Variants in PDGFRL observed in about 807,000 individuals in gnomAD.
The protein encoded by PDGFRL is platelet-derived growth factor receptor-like protein.
In PDGFRL, 46 loss-of-function variants were observed where a neutral mutation model predicts 37.2. That is an observed-to-expected ratio of 1.24 (90% confidence interval 0.98 to 1.58). The LOEUF (loss-of-function observed/expected upper bound fraction) is 1.58, where lower values mean the gene tolerates loss of function less well. Ranked by LOEUF, PDGFRL falls within the 40% of genes most tolerant of loss-of-function variation. The probability of loss-of-function intolerance (pLI) is 0.00; values close to 1 mark genes in which losing one functional copy is unlikely to be tolerated. For missense variants in PDGFRL, 692 were observed against 467.6 expected, an observed-to-expected ratio of 1.48 and a Z score of -4.43; for synonymous variants, 251 against 184.3, an observed-to-expected ratio of 1.36 and a Z score of -2.93.
chr8:17,642,748 G>T lies in PDGFRL; in HGVS notation c.1075G>T (p.Ala359Ser). The T allele has an allele frequency of 6.2e-7, 1 of 1,610,530 alleles. No individual in the cohort carries two copies. Among genetic ancestry groups the T allele is most frequent in the Non-Finnish European group, 8.5e-7 (1 of 1,176,718 alleles). Residue 359 changes from alanine to serine, a missense_variant, in exon 6 of 6, where the codon GCT (alanine) becomes TCT (serine). Ala to Ser is a moderately conservative substitution (Grantham distance 99). Transcript: ENST00000251630. ...TIDAGYYICT[A>S]QNLQGQTTVA... ...TGATGCAGGATATTACATTTGCACTGCTCAGAATCTTCAAGGACAGACCAC... is the reference window on the plus strand; with the variant it reads ...TGATGCAGGATATTACATTTGCACTTCTCAGAATCTTCAAGGACAGACCAC...
rs184701669 is a variant in PDGFRL, at chr8:17,591,039, C to T, written c.353+1274C>T. ...CTGGGACTACAGGTGCCTGCCACCA[C>T]GCCTGGCTAATTTTTTGCTTTTTTA... On this transcript the variant is annotated intron_variant, in intron 2 of 5. Coordinates refer to ENST00000251630, the MANE Select transcript of PDGFRL (RefSeq NM_001372073.1). Among the ~76,000 whole-genome samples, 998 of 152,114 alleles carry T rather than the reference C, an allele frequency of 6.6e-3. 11 individuals carry two copies. Among genetic ancestry groups the T allele is most frequent in the African/African-American group, 0.022 (911 of 41,530 alleles).
At chr8:17,611,439 G>A (rs902400035) in intron 2 of PDGFRL, among the ~76,000 whole-genome samples, 2 of 152,222 alleles carry the variant, frequency 1.3e-5, no homozygotes, top group African/African-American at 4.8e-5. Context: ...TGACTCCTGA[G>A]TGCATGCTCT....
intron 2 of PDGFRL, among the ~76,000 whole-genome samples, chr8:17,615,631 C>T (rs1272039373): frequency 2.0e-5 from 3 of 152,076 alleles, no homozygotes; most frequent in South Asian, 2.1e-4. Flanking sequence ...TAAAGTGTTT[C>T]GAGTCTGGGT....
intron 2 of PDGFRL, among the ~76,000 whole-genome samples, chr8:17,604,852 GCCTGTAATTCCAGC>G (rs1188138730): frequency 1.3e-5 from 2 of 152,140 alleles, no homozygotes; most frequent in Admixed American, 6.5e-5. Flanking sequence ...GGTGGCTCAC[GCCTGTAATTCCAGC>G]CCTTTGGGAG....
At chr8:17,625,505 T>C (rs1176520182) in intron 3 of PDGFRL, among the ~76,000 whole-genome samples, 1 of 151,634 alleles carries the variant, frequency 6.6e-6, no homozygotes, top group Non-Finnish European at 1.5e-5. Context: ...AAGTAAAACA[T>C]TTGTCTTCTA....
At chr8:17,611,935 G>A (rs1014934734) in intron 2 of PDGFRL, among the ~76,000 whole-genome samples, 1 of 152,090 alleles carries the variant, frequency 6.6e-6, no homozygotes, top group Non-Finnish European at 1.5e-5. Flanking sequence ...TAGAAATGCC[G>A]AGAGTGGGAA....
intron 4 of PDGFRL, among the ~76,000 whole-genome samples, chr8:17,631,742 C>T (rs1804865471): frequency 6.6e-6 from 1 of 152,212 alleles, no homozygotes; most frequent in Non-Finnish European, 1.5e-5. Flanking sequence ...GATTCCACCT[C>T]ACCTGCAGGG....
chr8:17,602,473 G>A (rs117098421), intron 2 of PDGFRL, among the ~76,000 whole-genome samples: 2,253 of 152,184 alleles, frequency 0.015, 38 homozygotes, highest in South Asian at 0.037. Context: ...GCAAGAGAGA[G>A]TAATCATCGA....
At chr8:17,582,486 G>T (rs976111536) in intron 1 of PDGFRL, among the ~76,000 whole-genome samples, 8 of 151,678 alleles carry the variant, frequency 5.3e-5, no homozygotes, top group African/African-American at 1.9e-4. Flanking sequence ...GGAGGCTGAG[G>T]CAGGGGAGTC....
chr8:17,632,344 T>A (rs1357000740), intron 4 of PDGFRL, among the ~76,000 whole-genome samples: 1 of 91,822 alleles, frequency 1.1e-5, no homozygotes, highest in Non-Finnish European at 2.1e-5. Context: ...CTGTAGCTGA[T>A]TTTTTTTTTT....
chr8:17,613,033 T>C (rs1804454129), intron 2 of PDGFRL, among the ~76,000 whole-genome samples: 1 of 152,242 alleles, frequency 6.6e-6, no homozygotes, highest in Non-Finnish European at 1.5e-5. Context: ...CCATGAATAT[T>C]TTTTGTGAGT....
intron 2 of PDGFRL, among the ~76,000 whole-genome samples, chr8:17,596,978 A>G (rs917579711): frequency 6.6e-6 from 1 of 151,994 alleles, no homozygotes; most frequent in Non-Finnish European, 1.5e-5. Context: ...TGGGTTTGGA[A>G]GCTCCCCAGG....
At chr8:17,631,698 C>A (rs571617342) in intron 4 of PDGFRL, among the ~76,000 whole-genome samples, 2 of 152,296 alleles carry the variant, frequency 1.3e-5, no homozygotes, top group East Asian at 1.9e-4. Flanking sequence ...ACTCGGGGAC[C>A]CCCATGCCAT....
At chr8:17,628,145 C>T (rs1804773494) in intron 3 of PDGFRL, among the ~76,000 whole-genome samples, 1 of 150,486 alleles carries the variant, frequency 6.6e-6, no homozygotes, top group Middle Eastern at 3.4e-3. Flanking sequence ...AGGCGCCCGC[C>T]ACCATGCCCG....
At chr8:17,579,842 T>C (rs1803669055) in intron 1 of PDGFRL, among the ~76,000 whole-genome samples, 1 of 152,060 alleles carries the variant, frequency 6.6e-6, no homozygotes, top group African/African-American at 2.4e-5. Flanking sequence ...GAAAGGCACA[T>C]AATACTTCAT....
intron 2 of PDGFRL, among the ~76,000 whole-genome samples, chr8:17,598,736 T>G (rs1053214795): frequency 7.2e-5 from 11 of 152,202 alleles, no homozygotes; most frequent in African/African-American, 2.7e-4. Context: ...CTCCTGTAAT[T>G]CCCACATGTT....
intron 5 of PDGFRL, among the ~76,000 whole-genome samples, chr8:17,638,777 ATATATAT>A (rs1805030858): frequency 1.1e-5 from 1 of 92,970 alleles, no homozygotes; most frequent in African/African-American, 5.1e-5. Flanking sequence ...ATATATATAT[ATATATAT>A]ATAATTGTGA....
chr8:17,625,246 G>C (rs1262914868), intron 3 of PDGFRL, among the ~76,000 whole-genome samples: 2 of 149,422 alleles, frequency 1.3e-5, no homozygotes, highest in Non-Finnish European at 3.0e-5. Context: ...CCGACTCCCC[G>C]GTTCGAGCGA....
At chr8:17,634,972 GGT>G (rs372077651) in intron 5 of PDGFRL, among the ~76,000 whole-genome samples, 6,876 of 146,252 alleles carry the variant, frequency 0.047, 528 homozygotes, top group African/African-American at 0.18. Context: ...TAAAATAAAA[GGT>G]TTTTTTTTAA....
Sources: allele counts gnomAD v4.1 joint callset (sites outside exome capture counted in the v4.1 genomes callset), GRCh38; gene constraint gnomAD v4.1.1; transcripts MANE v1.5; gene names NCBI Gene and HGNC (gene_info 2026-07-23, HGNC 2026-07-21).